The following RASSF3 variants were observed in gnomAD, a reference collection of about 807,000 sequenced individuals.
RASSF3 encodes ras association domain-containing protein 3.
Under a neutral mutation model 19.9 loss-of-function variants are expected in RASSF3, and 19 were observed. The observed-to-expected ratio is 0.96, with a 90% confidence interval of 0.67 to 1.40. The LOEUF is 1.40. Among genes scored for constraint, RASSF3 ranks in the 40% most tolerant of loss-of-function variants. RASSF3 has a pLI of 0.00. For missense variants in RASSF3, 306 were observed against 289.8 expected, an observed-to-expected ratio of 1.06 and a Z score of -0.41; for synonymous variants, 110 against 104.2, an observed-to-expected ratio of 1.06 and a Z score of -0.34.
In RASSF3 at chr12:64,523,661, A is replaced by T. The variant is rs139596362; in HGVS notation, c.169+16332A>T. On this transcript the variant is annotated intron_variant, in intron 1 of 5. Coordinates refer to the RASSF3 transcript ENST00000637125. ...TTCCTCCTCCTGTAACTGGAGGAAA[A>T]GGGCAAAAAAATGCAAGAGGAACAA... Among the ~76,000 whole-genome samples the T allele has an allele frequency of 1.3e-3, 197 of 152,200 alleles. 3 individuals carry two copies. In the East Asian group the frequency reaches 0.028, roughly 21 times the overall value.
chr12:64,683,863 A>T (rs1592468756), intron 1 of RASSF3, among the ~76,000 whole-genome samples: 1 of 152,128 alleles, frequency 6.6e-6, no homozygotes, highest in Admixed American at 6.5e-5. Context: ...AGCTGCTGAC[A>T]AATTAGTTTT....
intron 2 of RASSF3, among the ~76,000 whole-genome samples, chr12:64,600,189 TG>T (rs1870069032): frequency 6.6e-6 from 1 of 152,030 alleles, no homozygotes; most frequent in Non-Finnish European, 1.5e-5. Flanking sequence ...CCAGGCACAG[TG>T]GCATGCATCT....
intron 3 of RASSF3, among the ~76,000 whole-genome samples, chr12:64,688,912 A>T (rs1873466428): frequency 6.6e-6 from 1 of 152,148 alleles, no homozygotes; most frequent in African/African-American, 2.4e-5. Context: ...ATCACAGCAC[A>T]TTTCAGCGTA....
intron 3 of RASSF3, 59 bp from the exon 4 acceptor site, chr12:64,691,411 G>T: frequency 8.8e-7 from 1 of 1,136,160 alleles, no homozygotes. Context: ...ATCACAATGG[G>T]GAAGTGGTCT....
intron 1 of RASSF3, among the ~76,000 whole-genome samples, chr12:64,675,060 G>A (rs151007831): frequency 0.075 from 3,134 of 41,940 alleles, 158 homozygotes; most frequent in African/African-American, 0.15. Context: ...CCCCCCCCCC[G>A]CCACCCCGGC....
intron 1 of RASSF3, among the ~76,000 whole-genome samples, chr12:64,634,283 G>GT (rs1191555289): frequency 2.0e-5 from 3 of 150,712 alleles, no homozygotes; most frequent in Admixed American, 2.0e-4. Flanking sequence ...CTGCTGCTGT[G>GT]AGCTTTATCT....
chr12:64,509,973 G>A (rs887354905), intron 1 of RASSF3, among the ~76,000 whole-genome samples: 70 of 152,032 alleles, frequency 4.6e-4, no homozygotes, highest in African/African-American at 1.6e-3. Context: ...TGTAATCGCA[G>A]CTACTCAGGA....
intron 1 of RASSF3, chr12:64,515,650 T>C (rs73122371): frequency 2.0e-5 from 3 of 152,332 alleles, no homozygotes; most frequent in Non-Finnish European, 4.4e-5. Flanking sequence ...ATTCAGAAAT[T>C]TCCCTATAAA....
chr12:64,591,044 G>A (rs75942967), intron 2 of RASSF3, among the ~76,000 whole-genome samples: 2,212 of 152,252 alleles, frequency 0.015, 60 homozygotes, highest in African/African-American at 0.051. Flanking sequence ...GAGCTTTGAA[G>A]ATGAAAGGAT....
chr12:64,562,302 A>G (rs1433501412), intron 2 of RASSF3, among the ~76,000 whole-genome samples: 1 of 152,090 alleles, frequency 6.6e-6, no homozygotes, highest in East Asian at 1.9e-4. Flanking sequence ...CGGCCTCCCA[A>G]AGTGCTGGGA....
At chr12:64,621,027 C>T (rs1019294118) in intron 1 of RASSF3, among the ~76,000 whole-genome samples, 2 of 152,066 alleles carry the variant, frequency 1.3e-5, no homozygotes, top group African/African-American at 2.4e-5. Flanking sequence ...CCTCCGCCTC[C>T]CAGGTTCAAG....
chr12:64,583,023 G>C lies in RASSF3; in HGVS notation c.294+41318G>C, dbSNP rs1618375. ...GACCTGGAAGTGCATATTTCAAAGA[G>C]AGCCCTGTACCTTTTGTTCTCTTGC... On this transcript the variant is annotated intron_variant, in intron 2 of 5. Transcript: ENST00000637125. Among the ~76,000 whole-genome samples, 1,117 of 152,226 alleles carry C rather than the reference G, an allele frequency of 7.3e-3. 14 individuals carry two copies. Among genetic ancestry groups the C allele is most frequent in the Non-Finnish European group, 0.012 (843 of 68,020 alleles).
At chr12:64,573,373 T>C (rs993260587) in intron 2 of RASSF3, among the ~76,000 whole-genome samples, 12 of 152,192 alleles carry the variant, frequency 7.9e-5, no homozygotes, top group African/African-American at 2.9e-4. Flanking sequence ...AGATAAACAG[T>C]AGTGATTATT....
chr12:64,575,443 C>G (rs1869580321), intron 2 of RASSF3, among the ~76,000 whole-genome samples: 1 of 152,116 alleles, frequency 6.6e-6, no homozygotes, highest in South Asian at 2.1e-4. Context: ...GTCCCAGCTA[C>G]TCGGGAGGCT....
At chr12:64,595,062 A>ATTTTT (rs1869977761) in intron 2 of RASSF3, among the ~76,000 whole-genome samples, 2 of 94,398 alleles carry the variant, frequency 2.1e-5, no homozygotes, top group Non-Finnish European at 2.4e-5. Flanking sequence ...TTCATATGAA[A>ATTTTT]TCTTTTTTTT....
chr12:64,652,794 G>C (rs1048758611), intron 1 of RASSF3, among the ~76,000 whole-genome samples: 1 of 152,170 alleles, frequency 6.6e-6, no homozygotes, highest in Non-Finnish European at 1.5e-5. Flanking sequence ...TTTTGTTTCA[G>C]TATATGATTT....
At chr12:64,689,791 C>CTATTTTTTTTTTTTTT (rs1488405915) in intron 3 of RASSF3, among the ~76,000 whole-genome samples, 2 of 96,564 alleles carry the variant, frequency 2.1e-5, no homozygotes, top group East Asian at 6.1e-4. Flanking sequence ...TTCGCTAATT[C>CTATTTTTTTTTTTTTT]TTTTTTTTTT....
At chr12:64,551,448 C>T (rs573052764) in intron 2 of RASSF3, among the ~76,000 whole-genome samples, 16 of 152,068 alleles carry the variant, frequency 1.1e-4, no homozygotes, top group South Asian at 6.2e-4. Context: ...TGGTGGTGCG[C>T]GCCTGTAGTC....
At chr12:64,542,912 T>G (rs529671872), downstream of RASSF3, among the ~76,000 whole-genome samples, 1 of 151,978 alleles carries the variant, frequency 6.6e-6, no homozygotes, top group East Asian at 2.0e-4. Flanking sequence ...GCTCCCTCAG[T>G]CTGCAGGGAG....
Sources: gnomAD v4.1 joint callset for allele counts (sites outside exome capture counted in the v4.1 genomes callset) on GRCh38, gnomAD v4.1.1 for gene constraint, MANE v1.5 for transcripts, NCBI Gene and HGNC (gene_info 2026-07-23, HGNC 2026-07-21) for gene names.